LRRFIP1: variants seen among roughly 807,000 people sequenced by gnomAD.
LRRFIP1 encodes the protein LRR binding FLII interacting protein 1, also known as leucine-rich repeat flightless-interacting protein 1.
Under a neutral mutation model 104.4 loss-of-function variants are expected in LRRFIP1, and 62 were observed. That is an observed-to-expected ratio of 0.59 (90% CI 0.48 to 0.73). LRRFIP1 has a LOEUF of 0.73. Ranked by LOEUF, LRRFIP1 falls within the 30% of genes least tolerant of loss-of-function variation. The probability of loss-of-function intolerance (pLI) is 0.00; values close to 1 mark genes in which losing one functional copy is unlikely to be tolerated. For synonymous variants in LRRFIP1, 300 were observed against 299.0 expected (o/e 1.00, Z -0.03); for missense variants, 796 against 824.5 (o/e 0.97, Z 0.42).
At chr2:237,650,354 C>T (rs1205867268) in intron 1 of LRRFIP1, among the ~76,000 whole-genome samples, 3 of 151,792 alleles carry the variant, frequency 2.0e-5, no homozygotes, top group African/African-American at 4.8e-5. Context: ...CAGCTGGGGG[C>T]GAGACTCCCT....
At chr2:237,658,857 A>T (rs6714447) in intron 1 of LRRFIP1, among the ~76,000 whole-genome samples, 1 of 152,026 alleles carries the variant, frequency 6.6e-6, no homozygotes, top group African/African-American at 2.4e-5. Context: ...ACAATCCAAG[A>T]TGAGATTTGG....
Position 237,644,069 on chromosome 2 carries a change from T to C in LRRFIP1, c.96+16329T>C, listed in dbSNP as rs2084474726. ...TTCCCTCTTTCCAGTTCCTTGTTTT[T>C]ATGGTTTTTCCTGCCTTGTGTTTCT... On this transcript the variant is annotated intron_variant, in intron 1 of 23. Coordinates refer to ENST00000308482, the MANE Select transcript of LRRFIP1 (RefSeq NM_001137550.2). 2.0e-5 allele frequency among the ~76,000 whole-genome samples: 3 copies of C among 152,256 alleles called. 1 individual carries two copies. Among genetic ancestry groups the C allele is most frequent in the South Asian group, 4.1e-4 (2 of 4,836 alleles).
chr2:237,690,688 G>A (rs2092695083), intron 1 of LRRFIP1, among the ~76,000 whole-genome samples: 1 of 149,782 alleles, frequency 6.7e-6, no homozygotes, highest in Non-Finnish European at 1.5e-5. Context: ...GGTGAGCCGA[G>A]ATCGCGCCAT....
chr2:237,660,477 G>A (rs2087696327), intron 1 of LRRFIP1, among the ~76,000 whole-genome samples: 1 of 150,842 alleles, frequency 6.6e-6, no homozygotes, highest in Non-Finnish European at 1.5e-5. Flanking sequence ...GACCCCCACA[G>A]TGCTGATGAG....
chr2:237,772,450 A>G (rs2060724914), intron 21 of LRRFIP1: 1 of 481,524 alleles, frequency 2.1e-6, no homozygotes, highest in Admixed American at 3.6e-5. Flanking sequence ...GATGGAAACC[A>G]CATTTACTTT....
At chr2:237,769,804 G>T in intron 19 of LRRFIP1, 139 bp from the exon 20 acceptor site, 1 of 697,698 alleles carries the variant, frequency 1.4e-6, no homozygotes, top group Non-Finnish European at 2.6e-6. Context: ...CCTGTCTGTG[G>T]CCTCATTCAC....
intron 1 of LRRFIP1, among the ~76,000 whole-genome samples, chr2:237,632,770 C>T (rs2082567033): frequency 8.0e-6 from 1 of 125,228 alleles, no homozygotes; most frequent in South Asian, 2.7e-4. Context: ...GACCTGGCTC[C>T]TCTGGGGTGG....
intron 12 of LRRFIP1, among the ~76,000 whole-genome samples, 160 bp downstream of exon 12, chr2:237,748,559 C>T (rs909944589): frequency 3.3e-5 from 5 of 151,982 alleles, no homozygotes; most frequent in Admixed American, 3.3e-4. Context: ...GGAGGTAGGC[C>T]ACCGGGAGTC....
chr2:237,660,076 G>T (rs1263468035), intron 1 of LRRFIP1, among the ~76,000 whole-genome samples: 1 of 152,076 alleles, frequency 6.6e-6, no homozygotes, highest in African/African-American at 2.4e-5. Context: ...AAGGTCAAAA[G>T]GCAGCAAACA....
chr2:237,757,584 G>T, intron 17 of LRRFIP1, 36 bp downstream of exon 17: 1 of 1,464,302 alleles, frequency 6.8e-7, no homozygotes, highest in East Asian at 2.4e-5. Flanking sequence ...TACTCAAATG[G>T]GCAGCCTGCT....
chr2:237,689,051 GAAAA>G (rs60153114), intron 1 of LRRFIP1, among the ~76,000 whole-genome samples: 1 of 130,560 alleles, frequency 7.7e-6, no homozygotes, highest in Non-Finnish European at 1.6e-5. Context: ...GCTCTACGTT[GAAAA>G]AAAAAAAAAA....
At chr2:237,763,810 T>C in intron 19 of LRRFIP1, 1 of 1,613,946 alleles carries the variant, frequency 6.2e-7, no homozygotes, top group East Asian at 2.2e-5. Flanking sequence ...TAGATGAAGG[T>C]GTTGCAAAAG....
At chr2:237,736,589 A>C (rs60176824) in intron 10 of LRRFIP1, among the ~76,000 whole-genome samples, 200 of 152,288 alleles carry the variant, frequency 1.3e-3, no homozygotes, top group African/African-American at 4.7e-3. Flanking sequence ...CTACTGTGTC[A>C]CGTCTGAGAT....
intron 1 of LRRFIP1, among the ~76,000 whole-genome samples, chr2:237,682,513 G>A (rs759079639): frequency 9.2e-5 from 14 of 152,222 alleles, no homozygotes; most frequent in Non-Finnish European, 1.6e-4. Context: ...GTGTAGGGGT[G>A]CAGGGTTGTT....
rs755384080 is a variant in LRRFIP1, at chr2:237,753,368, A to G, written c.927A>G (p.Leu309=). 4.4e-6 allele frequency: 7 copies of G among 1,607,552 alleles called. No individual in the cohort carries two copies. The African/African-American group carries it at 6.7e-5, about 15-fold the overall frequency. ...AGGCTATGGTTTCCAATGCTCAGCT[A>G]GACAATGAAAAGACAAACTTCATGT... The part of the protein sequence containing the change: ...YKKAMVSNAQ[L]DNEKTNFMYQ... The change falls in exon 15 of 24, where the codon CTA becomes CTG. Residue 309 remains leucine, a synonymous_variant. Transcript: ENST00000308482.
intron 1 of LRRFIP1, among the ~76,000 whole-genome samples, chr2:237,690,736 C>CAAA (rs66463256): frequency 0.034 from 3,986 of 116,268 alleles, 210 homozygotes; most frequent in African/African-American, 0.1. Context: ...GACTCCATCT[C>CAAA]AAAAAAAAAA....
At chr2:237,676,799 G>A (rs1030960414) in intron 1 of LRRFIP1, among the ~76,000 whole-genome samples, 1 of 152,170 alleles carries the variant, frequency 6.6e-6, no homozygotes, top group Non-Finnish European at 1.5e-5. Context: ...CACAGTGCCC[G>A]GCCCAGGAGA....
chr2:237,679,222 G>A (rs937013425), intron 1 of LRRFIP1, among the ~76,000 whole-genome samples: 2 of 152,122 alleles, frequency 1.3e-5, no homozygotes, highest in African/African-American at 4.8e-5. Context: ...TTCCTTTCAG[G>A]TGCCTTGCAA....
intron 1 of LRRFIP1, among the ~76,000 whole-genome samples, chr2:237,673,179 GA>G (rs201006356): frequency 2.0e-5 from 3 of 151,030 alleles, no homozygotes; most frequent in South Asian, 2.1e-4. Context: ...CTGTTTCAGT[GA>G]AAAAAAAATA....
Sources: gnomAD v4.1 joint callset for allele counts (sites outside exome capture counted in the v4.1 genomes callset) on GRCh38, gnomAD v4.1.1 for gene constraint, MANE v1.5 for transcripts, NCBI Gene and HGNC (gene_info 2026-07-23, HGNC 2026-07-21) for gene names.